FCHSD2: variants seen among roughly 807,000 people sequenced by gnomAD.
FCHSD2 encodes FCH and double SH3 domains 2, also known as F-BAR and double SH3 domains protein 2.
Under a neutral mutation model 108.1 loss-of-function variants are expected in FCHSD2, and 38 were observed. That is an observed-to-expected ratio of 0.35 (90% CI 0.27 to 0.46). FCHSD2 has a LOEUF of 0.46. FCHSD2 is among the 20% of genes least tolerant of loss of function. The pLI is 1.00. For missense variants in FCHSD2, 751 were observed against 897.8 expected (o/e 0.84, Z 2.09); for synonymous variants, 279 against 314.7 (o/e 0.89, Z 1.20).
rs535049150 is a variant in FCHSD2 at position 72,996,432 on chromosome 11, T to TA, written c.387+4557dup. Among the ~76,000 whole-genome samples the TA allele has an allele frequency of 1.6e-4, 25 of 152,322 alleles. No homozygotes were observed. The South Asian group carries it at 5.2e-3, about 32-fold the overall frequency. On this transcript the variant is annotated intron_variant, in intron 5 of 19. Coordinates refer to ENST00000409418, the MANE Select transcript of FCHSD2 (RefSeq NM_014824.3). ...TAAACTCTAGTATAAATGTGAAAGA[T>TA]ACGGACAAAAGTATGGTTAAGTAAA...
chr11:73,019,775 TGC>T (rs1858057622), intron 3 of FCHSD2, among the ~76,000 whole-genome samples: 1 of 152,354 alleles, frequency 6.6e-6, no homozygotes, highest in South Asian at 2.1e-4. Flanking sequence ...AAGCATTCTA[TGC>T]TTAAATTAAC....
intron 2 of FCHSD2, among the ~76,000 whole-genome samples, chr11:73,124,084 A>G (rs1473268845): frequency 6.6e-6 from 1 of 152,194 alleles, no homozygotes. Context: ...GCAGCCATAA[A>G]AAAGGATGCG....
intron 4 of FCHSD2, among the ~76,000 whole-genome samples, chr11:73,003,924 C>T (rs1296304709): frequency 2.0e-5 from 3 of 150,952 alleles, no homozygotes; most frequent in East Asian, 2.0e-4. Flanking sequence ...CTGGCCAACA[C>T]GGTGAAATCC....
rs933121714 is a variant in FCHSD2, at chr11:72,938,493, C to A, written c.706-16543G>T. On this transcript the variant is annotated intron_variant, in intron 8 of 19. Coordinates refer to ENST00000409418, the MANE Select transcript of FCHSD2 (RefSeq NM_014824.3). ...TTGGGGAGAATTTGCCTTCTATTCT[C>A]TTCCTTGCTGGTGTCTAGGTGTGCC... Among the ~76,000 whole-genome samples, 7 of 152,276 alleles carry A rather than the reference C, an allele frequency of 4.6e-5. No homozygotes were observed. The East Asian group carries it at 9.6e-4, about 21-fold the overall frequency.
intron 3 of FCHSD2, among the ~76,000 whole-genome samples, chr11:73,052,958 T>C (rs1320911813): frequency 6.6e-6 from 1 of 152,120 alleles, no homozygotes; most frequent in African/African-American, 2.4e-5. Flanking sequence ...GTGATTCTCC[T>C]GCCTCAGCCT....
intron 4 of FCHSD2, among the ~76,000 whole-genome samples, chr11:73,012,169 T>C (rs1857877812): frequency 6.6e-6 from 1 of 152,170 alleles, no homozygotes; most frequent in Admixed American, 6.5e-5. Context: ...TCATCAATAC[T>C]ATGGCACTAA....
At chr11:73,126,255 GC>G (rs1390704893) in intron 2 of FCHSD2, among the ~76,000 whole-genome samples, 1 of 141,518 alleles carries the variant, frequency 7.1e-6, no homozygotes, top group Non-Finnish European at 1.5e-5. Flanking sequence ...CAGGAGAATC[GC>G]TTGAACCTGG....
chr11:73,010,346 C>G (rs1372309966), intron 4 of FCHSD2, among the ~76,000 whole-genome samples: 1 of 152,142 alleles, frequency 6.6e-6, no homozygotes, highest in Non-Finnish European at 1.5e-5. Context: ...TCTTGTATCT[C>G]ATTGAGCTTC....
At chr11:73,134,368 G>T (rs983919762) in intron 2 of FCHSD2, among the ~76,000 whole-genome samples, 3 of 152,066 alleles carry the variant, frequency 2.0e-5, no homozygotes, top group African/African-American at 7.2e-5. Context: ...TACTCAGGAG[G>T]CTGAGGTAGA....
intron 3 of FCHSD2, among the ~76,000 whole-genome samples, chr11:73,067,203 A>G (rs1050165263): frequency 5.3e-5 from 8 of 152,212 alleles, no homozygotes; most frequent in Non-Finnish European, 1.0e-4. Context: ...ATGAAGCTGG[A>G]AACCATCATT....
At chr11:72,868,307 A>C (rs965130733) in intron 12 of FCHSD2, among the ~76,000 whole-genome samples, 3 of 152,174 alleles carry the variant, frequency 2.0e-5, no homozygotes, top group Non-Finnish European at 4.4e-5. Flanking sequence ...ATGAGAACAT[A>C]CGGACACATG....
At chr11:73,042,910 T>C (rs1858675210) in intron 3 of FCHSD2, among the ~76,000 whole-genome samples, 1 of 152,220 alleles carries the variant, frequency 6.6e-6, no homozygotes, top group Admixed American at 6.5e-5. Flanking sequence ...TTTTGTATCC[T>C]GCAATTCTAC....
At chr11:72,869,282 T>A (rs1294964400) in intron 12 of FCHSD2, among the ~76,000 whole-genome samples, 1 of 152,180 alleles carries the variant, frequency 6.6e-6, no homozygotes, top group African/African-American at 2.4e-5. Context: ...TCCCTCAAAT[T>A]AATTAAGTTC....
intron 2 of FCHSD2, among the ~76,000 whole-genome samples, chr11:73,099,805 T>A (rs1159004902): frequency 6.6e-6 from 1 of 151,974 alleles, no homozygotes; most frequent in Non-Finnish European, 1.5e-5. Flanking sequence ...CTAGAAAGAG[T>A]GCGAAGGGAA....
chr11:73,047,245 TTTAA>T (rs1858790963), intron 3 of FCHSD2, among the ~76,000 whole-genome samples: 1 of 152,088 alleles, frequency 6.6e-6, no homozygotes, highest in African/African-American at 2.4e-5. Flanking sequence ...CCATTTTTTT[TTTAA>T]TTAAAGAAAA....
Position 73,005,678 on chromosome 11 carries a change from G to T in FCHSD2, c.243-4544C>A, listed in dbSNP as rs149985061. 1.9e-3 allele frequency among the ~76,000 whole-genome samples: 287 copies of T among 151,996 alleles called. 4 individuals are homozygous for T. The highest frequency in any genetic ancestry group is 0.017 in the Admixed American group (253 of 15,270). On this transcript the variant is annotated intron_variant, in intron 4 of 19. Transcript: ENST00000409418. ...CTTTTTTGAGATAAGGTCTTGCTCTGCCACTCAGGTGGTAGTGCAGTGGCA... is the reference window on the plus strand; with the variant it reads ...CTTTTTTGAGATAAGGTCTTGCTCTTCCACTCAGGTGGTAGTGCAGTGGCA...
chr11:73,105,060 A>T (rs1430222054), intron 2 of FCHSD2, among the ~76,000 whole-genome samples: 2 of 152,188 alleles, frequency 1.3e-5, no homozygotes, highest in Non-Finnish European at 2.9e-5. Flanking sequence ...TTCCCATCTT[A>T]TCCTACCTGA....
chr11:73,043,326 A>G (rs1858686329), intron 3 of FCHSD2, among the ~76,000 whole-genome samples: 1 of 152,232 alleles, frequency 6.6e-6, no homozygotes, highest in Non-Finnish European at 1.5e-5. Context: ...TAGTGAAGAT[A>G]AATATTATCA....
intron 4 of FCHSD2, among the ~76,000 whole-genome samples, chr11:73,009,299 C>A (rs917820891): frequency 1.1e-4 from 17 of 152,116 alleles, no homozygotes; most frequent in Admixed American, 5.9e-4. Context: ...GAGTTTGAGA[C>A]CAGCCTGGCC....
Sources: allele counts gnomAD v4.1 joint callset (sites outside exome capture counted in the v4.1 genomes callset), GRCh38; gene constraint gnomAD v4.1.1; transcripts MANE v1.5; gene names NCBI Gene and HGNC (gene_info 2026-07-23, HGNC 2026-07-21).